Variants in PCDHGA10 observed in about 807,000 individuals in gnomAD.
PCDHGA10 encodes protocadherin gamma subfamily A, 10.
In PCDHGA10, 42 loss-of-function variants were observed where a neutral mutation model predicts 59.5. That is an observed-to-expected ratio of 0.71 (90% CI 0.55 to 0.91). The LOEUF (loss-of-function observed/expected upper bound fraction) is 0.91, where lower values mean the gene tolerates loss of function less well. PCDHGA10 is among the 40% of genes least tolerant of loss of function. PCDHGA10 has a pLI of 0.00. For missense variants in PCDHGA10, 1,111 were observed against 1,198.2 expected (o/e 0.93, Z 1.07); for synonymous variants, 511 against 517.2 (o/e 0.99, Z 0.16).
At chr5:141,441,663 G>A (rs777315226) in intron 1 of PCDHGA10, 20 of 260,482 alleles carry the variant, frequency 7.7e-5, no homozygotes, top group Non-Finnish European at 1.2e-4. Context: ...GTCCTTGAGC[G>A]CACAGTGCGC....
intron 3 of PCDHGA10, among the ~76,000 whole-genome samples, chr5:141,509,539 A>G (rs749824780): frequency 1.3e-5 from 2 of 152,160 alleles, no homozygotes; most frequent in East Asian, 1.9e-4. Context: ...ATGAAGCACC[A>G]TCTCATTTAG....
Position 141,491,858 on chromosome 5 carries a change from A to G in PCDHGA10, c.2437-2949A>G, listed in dbSNP as rs17208425. 297,575 of 1,456,446 alleles carry G rather than the reference A, an allele frequency of 0.2. 31,644 individuals are homozygous for G. The highest frequency in any genetic ancestry group is 0.33 in the Admixed American group (11,758 of 35,494). 90.2% of individuals were successfully genotyped at this position (1,456,446 alleles called of 1,614,324 possible). On this transcript the variant is annotated intron_variant, in intron 1 of 3. Transcript: ENST00000398610. This position sits in a 1 kb window ranked among gnomAD's most constrained non-coding sequence, Gnocchi z 6.9. ...TCGGGATCATTGGACCGTTTGCGCG[A>G]AACCAGAGTGGCCGATTAAGGGATG... is the stretch of plus-strand genomic sequence containing the variant.
chr5:141,424,797 C>G (rs1262781875), intron 1 of PCDHGA10: 1 of 151,908 alleles, frequency 6.6e-6, no homozygotes, highest in Non-Finnish European at 1.5e-5. Flanking sequence ...TTATTCAGAC[C>G]AACTTGTTAT....
At chr5:141,497,983 C>T (rs2099780927) in intron 2 of PCDHGA10, among the ~76,000 whole-genome samples, 1 of 152,168 alleles carries the variant, frequency 6.6e-6, no homozygotes, top group African/African-American at 2.4e-5. Context: ...GTGGGAGGCC[C>T]CTGCCCTCAA....
chr5:141,432,503 G>T lies in PCDHGA10; in HGVS notation c.2436+16892G>T, dbSNP rs939325676. 8.7e-6 allele frequency: 14 copies of T among 1,613,988 alleles called. No homozygotes were observed. The highest frequency in any genetic ancestry group is 1.3e-5 in the African/African-American group (1 of 74,930). ...TGGCGTGGAGCTGGCTCCCCGCTCC[G>T]CAGAGCCCGGCTACCTGGTGACCAA... On this transcript the variant is annotated intron_variant, in intron 1 of 3. Transcript: ENST00000398610. The surrounding 1 kb of genome is among the most constrained non-coding windows in gnomAD (Gnocchi z 6.0).
chr5:141,432,663 G>A lies in PCDHGA10; in HGVS notation c.2436+17052G>A. ...CGCACGGCGCGAGCCCTGCTGGACA[G>A]AGACGCGCTCAAGCAGAGCCTCGTA... On this transcript the variant is annotated intron_variant, in intron 1 of 3. Coordinates refer to ENST00000398610, the MANE Select transcript of PCDHGA10 (RefSeq NM_018913.3). This position sits in a 1 kb window ranked among gnomAD's most constrained non-coding sequence, Gnocchi z 6.0. 1 of 1,613,886 alleles carries A rather than the reference G, an allele frequency of 6.2e-7. No individual in the cohort carries two copies. Among genetic ancestry groups the A allele is most frequent in the Non-Finnish European group, 8.5e-7 (1 of 1,179,952 alleles).
At position 141,493,726 on chromosome 5, in the gene PCDHGA10, G is replaced by C. The variant is rs1032021616; in HGVS notation, c.2437-1081G>C. ...CTGGAATGCTAGGTTTCTGGGTTCT[G>C]CTCATATCACTGCCACCTGTGAGCC... On this transcript the variant is annotated intron_variant, in intron 1 of 3. Coordinates refer to ENST00000398610, the MANE Select transcript of PCDHGA10 (RefSeq NM_018913.3). This position sits in a 1 kb window ranked among gnomAD's most constrained non-coding sequence, Gnocchi z 4.3. Among the ~76,000 whole-genome samples, 2 of 152,154 alleles carry C rather than the reference G, an allele frequency of 1.3e-5. No individual in the cohort carries two copies. Among genetic ancestry groups the C allele is most frequent in the African/African-American group, 4.8e-5 (2 of 41,438 alleles).
chr5:141,430,560 G>T (rs1184226832), intron 1 of PCDHGA10: 1 of 420,160 alleles, frequency 2.4e-6, no homozygotes, highest in Non-Finnish European at 4.1e-6. Context: ...ACCAATCGGG[G>T]AGAGAAAAGC....
At position 141,415,323 on chromosome 5, in the gene PCDHGA10, G is replaced by C; in HGVS notation, c.2148G>C (p.Leu716=). 3 of 1,614,236 alleles carry C rather than the reference G, an allele frequency of 1.9e-6. No homozygotes were observed. Among genetic ancestry groups the C allele is most frequent in the South Asian group, 2.2e-5 (2 of 91,090 alleles). The change falls in exon 1 of 4, where the codon CTG becomes CTC. Residue 716 remains leucine (L), a synonymous_variant. Coordinates refer to ENST00000398610, the MANE Select transcript of PCDHGA10 (RefSeq NM_018913.3). ...TCCTGGCCTTCGTCATCGTGCTGCT[G>C]GCGCACAGGCTGCGGCGCTGGCACA... ...CVFLAFVIVL[L]AHRLRRWHKS... is the part of the protein sequence containing the mutation.
At position 141,414,992 on chromosome 5, in the gene PCDHGA10, C is replaced by T; in HGVS notation, c.1817C>T (p.Ala606Val). 2 of 1,613,770 alleles carry T rather than the reference C, an allele frequency of 1.2e-6. No individual in the cohort carries two copies. Among genetic ancestry groups the T allele is most frequent in the Non-Finnish European group, 1.7e-6 (2 of 1,180,034 alleles). ...GTGGACAGAGACTCCGGCCAGAACG[C>T]CTGGCTGTCCTACCGTCTGCTCAAG... is the stretch of plus-strand genomic sequence containing the variant. Reference protein sequence around the residue: ...VAVDRDSGQNAWLSYRLLKAS... With the variant: ...VAVDRDSGQNVWLSYRLLKAS... Residue 606 changes from alanine (A) to valine (V), a missense_variant, in exon 1 of 4, where the codon GCC (alanine) becomes GTC (valine). Physicochemically the swap from Ala to Val is moderately conservative, Grantham distance 64. Transcript: ENST00000398610.
chr5:141,494,778 C>CA, intron 1 of PCDHGA10, 29 bp from the exon 2 acceptor site: 1 of 1,614,086 alleles, frequency 6.2e-7, no homozygotes, highest in Non-Finnish European at 8.5e-7. Context: ...CACGGGTACT[C>CA]AGCCCCTTTC....
At chr5:141,420,215 A>G in intron 1 of PCDHGA10, 2 of 1,612,096 alleles carry the variant, frequency 1.2e-6, no homozygotes, top group South Asian at 1.1e-5. Context: ...CAAAGATAGC[A>G]TGCTACTGGC....
chr5:141,485,625 G>A lies in PCDHGA10; in HGVS notation c.2437-9182G>A, dbSNP rs1458191111. On this transcript the variant is annotated intron_variant, in intron 1 of 3. Coordinates refer to ENST00000398610, the MANE Select transcript of PCDHGA10 (RefSeq NM_018913.3). This position sits in a 1 kb window ranked among gnomAD's most constrained non-coding sequence, Gnocchi z 5.7. ...GGGGAGGCAGCTCCTCCAGGACAGC[G>A]TTTCCCGTTGGAAAAGGCTCAGGAT... is the stretch of plus-strand genomic sequence containing the variant. The A allele has an allele frequency of 1.2e-6, 2 of 1,611,968 alleles. No homozygotes were observed. The highest frequency in any genetic ancestry group is 3.3e-5 in the Admixed American group (2 of 59,916).
At position 141,476,458 on chromosome 5, in the gene PCDHGA10, C is replaced by A. The variant is rs368153419; in HGVS notation, c.2437-18349C>A. Reference sequence around the variant, plus strand: ...TAACTCTGGAGTTGGTAGTGGAGAACCCGCTGGAGCTGTTCAGCGTGGAAG... The same window carrying A: ...TAACTCTGGAGTTGGTAGTGGAGAAACCGCTGGAGCTGTTCAGCGTGGAAG... On this transcript the variant is annotated intron_variant, in intron 1 of 3. Transcript: ENST00000398610. This position sits in a 1 kb window ranked among gnomAD's most constrained non-coding sequence, Gnocchi z 7.6. 1 of 1,613,928 alleles carries A rather than the reference C, an allele frequency of 6.2e-7. No individual in the cohort carries two copies. Among genetic ancestry groups the A allele is most frequent in the Non-Finnish European group, 8.5e-7 (1 of 1,180,022 alleles).
chr5:141,480,607 C>T (rs2099522175), intron 1 of PCDHGA10, among the ~76,000 whole-genome samples: 1 of 145,670 alleles, frequency 6.9e-6, no homozygotes, highest in Admixed American at 6.8e-5. Context: ...GCCTGGAAAG[C>T]AACTGGCATT....
In PCDHGA10 at chr5:141,431,024, A is replaced by G; in HGVS notation, c.2436+15413A>G. ...CAGCGGCAGCTTGGTCACGGCGGGCAGGATAGACCGGGAGGAGCTCTGTAT... is the reference window on the plus strand; with the variant it reads ...CAGCGGCAGCTTGGTCACGGCGGGCGGGATAGACCGGGAGGAGCTCTGTAT... On this transcript the variant is annotated intron_variant, in intron 1 of 3. Transcript: ENST00000398610. The surrounding 1 kb of genome is among the most constrained non-coding windows in gnomAD (Gnocchi z 4.8). 2.5e-6 allele frequency: 4 copies of G among 1,614,024 alleles called. No homozygotes were observed. The highest frequency in any genetic ancestry group is 3.4e-6 in the Non-Finnish European group (4 of 1,179,926).
Position 141,413,336 on chromosome 5 carries a change from A to G in PCDHGA10, c.161A>G (p.Lys54Arg), listed in dbSNP as rs1561741680. Residue 54 changes from lysine (K) to arginine (R), a missense_variant, in exon 1 of 4, where the codon AAG becomes AGG. Coordinates refer to ENST00000398610, the MANE Select transcript of PCDHGA10 (RefSeq NM_018913.3). The part of the protein sequence containing the change: ...EKGSFVGNIS[K>R]DLGLAPRELA... ...GGCTCTTTCGTGGGCAACATCTCCA[A>G]GGACTTGGGTCTGGCGCCCCGGGAG... 1 of 1,613,972 alleles carries G rather than the reference A, an allele frequency of 6.2e-7. No homozygotes were observed. Among genetic ancestry groups the G allele is most frequent in the Non-Finnish European group, 8.5e-7 (1 of 1,179,900 alleles).
At chr5:141,478,118 G>C in intron 1 of PCDHGA10, 2 of 1,614,048 alleles carry the variant, frequency 1.2e-6, no homozygotes, top group African/African-American at 1.3e-5. Context: ...GTCAGTAACC[G>C]AGGACTCTCC....
At position 141,512,881 on chromosome 5, in the gene PCDHGA10, C is replaced by T. The variant is rs1274589284; in HGVS notation, c.*1708C>T. 1.3e-5 allele frequency: 2 copies of T among 152,268 alleles called. No homozygotes were observed. Among genetic ancestry groups the T allele is most frequent in the African/African-American group, 4.8e-5 (2 of 41,458 alleles). 9.4% of individuals were successfully genotyped at this position (152,268 alleles called of 1,614,324 possible). On this transcript the variant is annotated 3_prime_UTR_variant, in exon 4 of 4. Coordinates refer to ENST00000398610, the MANE Select transcript of PCDHGA10 (RefSeq NM_018913.3). Reference sequence around the variant, plus strand: ...TCGCATAGTCACGTAGCTCCCACCCCACCCTCTTCCTGTGTCTCACGCAAG... The same window carrying T: ...TCGCATAGTCACGTAGCTCCCACCCTACCCTCTTCCTGTGTCTCACGCAAG...
Sources: gnomAD v4.1 joint callset for allele counts (sites outside exome capture counted in the v4.1 genomes callset) on GRCh38, gnomAD v4.1.1 for gene constraint, Gnocchi (gnomAD v3.1) non-coding constraint, MANE v1.5 for transcripts, NCBI Gene and HGNC (gene_info 2026-07-23, HGNC 2026-07-21) for gene names.